The following CRACDL variants were observed in gnomAD, a reference collection of about 807,000 sequenced individuals.
CRACDL encodes CRACD-like protein.
In CRACDL, 26 loss-of-function variants were observed where a neutral mutation model predicts 70.6. The ratio of observed to expected loss-of-function variants is 0.37; its 90% confidence interval spans 0.27 to 0.51. CRACDL has a LOEUF of 0.51. CRACDL is among the 20% of genes least tolerant of loss of function. The pLI is 0.94. For missense variants in CRACDL, 1,283 were observed against 1,376.9 expected (o/e 0.93, Z 1.08); for synonymous variants, 618 against 615.2 (o/e 1.00, Z -0.07).
intron 2 of CRACDL, among the ~76,000 whole-genome samples, chr2:98,838,752 C>T (rs1412337965): frequency 2.0e-5 from 3 of 152,166 alleles, no homozygotes; most frequent in Non-Finnish European, 1.5e-5. Flanking sequence ...GGCCCAACCT[C>T]ATGGGCAAGA....
chr2:98,834,423 A>G (rs191953812), intron 3 of CRACDL, among the ~76,000 whole-genome samples: 43 of 152,344 alleles, frequency 2.8e-4, no homozygotes, highest in African/African-American at 9.6e-4. Context: ...CGCTGCATGC[A>G]GGCATCACCA....
In CRACDL at chr2:98,794,547, G is replaced by C; in HGVS notation, c.2874C>G (p.Pro958=). 1 of 1,613,952 alleles carries C rather than the reference G, an allele frequency of 6.2e-7. No homozygotes were observed. The highest frequency in any genetic ancestry group is 8.5e-7 in the Non-Finnish European group (1 of 1,179,886). The stretch of plus-strand genomic sequence containing the variant: ...CACTGCCCACCTATTTTATAATCTG[G>C]GGCATGTCACTCCAAGCTTGAGATT... The part of the protein sequence containing the change: ...RKKSQAWSDM[P]QIIK Residue 958 remains proline, a synonymous_variant, in exon 10 of 10, where the codon CCC becomes CCG. Transcript: ENST00000397899.
intron 7 of CRACDL, among the ~76,000 whole-genome samples, chr2:98,818,746 G>T (rs1018780749): frequency 1.3e-5 from 2 of 152,232 alleles, no homozygotes; most frequent in Non-Finnish European, 2.9e-5. Flanking sequence ...GGCATCTAGG[G>T]AAAGTGTGGG....
At chr2:98,854,058 T>C (rs889769674) in intron 1 of CRACDL, among the ~76,000 whole-genome samples, 3 of 151,762 alleles carry the variant, frequency 2.0e-5, no homozygotes, top group Non-Finnish European at 2.9e-5. Flanking sequence ...CCGAGGTGGG[T>C]GGATCACGAG....
intron 2 of CRACDL, among the ~76,000 whole-genome samples, chr2:98,845,200 CTTTTTT>C (rs34635348): frequency 3.5e-5 from 2 of 57,632 alleles, no homozygotes; most frequent in Non-Finnish European, 6.8e-5. Flanking sequence ...TCTTCTTCTT[CTTTTTT>C]TTTTTTTTGG....
chr2:98,842,721 T>C (rs576346009), intron 2 of CRACDL, among the ~76,000 whole-genome samples: 1 of 152,322 alleles, frequency 6.6e-6, no homozygotes, highest in African/African-American at 2.4e-5. Context: ...GGCTCACTCA[T>C]GTTATACCAG....
chr2:98,795,073 A>ATTTTTTTTTTTTTTTTT (rs1468056572), intron 9 of CRACDL, among the ~76,000 whole-genome samples: 3 of 20,088 alleles, frequency 1.5e-4, no homozygotes, highest in Admixed American at 8.9e-4. Context: ...ATATATATAT[A>ATTTTTTTTTTTTTTTTT]TATATTTTTT....
At chr2:98,877,928 T>C (rs1420376969) in intron 1 of CRACDL, among the ~76,000 whole-genome samples, 1 of 150,966 alleles carries the variant, frequency 6.6e-6, no homozygotes, top group Non-Finnish European at 1.5e-5. Flanking sequence ...TAAGGAACTA[T>C]AATGTTGTAC....
intron 1 of CRACDL, among the ~76,000 whole-genome samples, chr2:98,850,187 G>C (rs1450182218): frequency 6.6e-6 from 1 of 152,222 alleles, no homozygotes; most frequent in East Asian, 1.9e-4. Flanking sequence ...TGTGCTTCCT[G>C]ATCCCCACCG....
At chr2:98,896,787 T>C (rs182657713) in intron 1 of CRACDL, among the ~76,000 whole-genome samples, 10 of 152,294 alleles carry the variant, frequency 6.6e-5, no homozygotes, top group Admixed American at 2.0e-4. Flanking sequence ...TTTAGCAGCC[T>C]GAAGCCATGG....
At chr2:98,878,611 T>C (rs550839623) in intron 1 of CRACDL, among the ~76,000 whole-genome samples, 5 of 152,314 alleles carry the variant, frequency 3.3e-5, no homozygotes, top group Admixed American at 2.6e-4. Flanking sequence ...GTCTGTAAAA[T>C]TGGCACAAAC....
chr2:98,795,073 A>ATTTTTTTTTTTT lies in CRACDL; in HGVS notation c.2750-403_2750-402insAAAAAAAAAAAA, dbSNP rs1468056572. Among the ~76,000 whole-genome samples the ATTTTTTTTTTTT allele has an allele frequency of 3.0e-3, 61 of 20,078 alleles. 5 individuals carry two copies. The highest frequency in any genetic ancestry group is 4.4e-3 in the Non-Finnish European group (37 of 8,490). The allele number at this position is 20,078 out of a possible 152,430, so 13.2% of individuals were successfully genotyped here. ...TATATATATATATATATATATATAT[A>ATTTTTTTTTTTT]TATATTTTTTTTTTTTTTTGAGACA... On this transcript the variant is annotated intron_variant, in intron 9 of 9. Transcript: ENST00000397899.
chr2:98,858,648 A>G (rs1458380056), intron 1 of CRACDL, among the ~76,000 whole-genome samples: 2 of 152,108 alleles, frequency 1.3e-5, no homozygotes, highest in African/African-American at 4.8e-5. Flanking sequence ...ATTGAGCAAA[A>G]GGTAATAAAA....
At chr2:98,840,527 C>T (rs550408253) in intron 2 of CRACDL, 1 of 152,048 alleles carries the variant, frequency 6.6e-6, no homozygotes, top group South Asian at 2.1e-4. Flanking sequence ...TTGTGTTGTC[C>T]AAGTATTTTA....
At chr2:98,818,365 T>A (rs1443841735) in intron 7 of CRACDL, among the ~76,000 whole-genome samples, 2 of 152,092 alleles carry the variant, frequency 1.3e-5, no homozygotes, top group Non-Finnish European at 2.9e-5. Context: ...TGCTGAAGCG[T>A]CCCTCCATTC....
rs1269043809 is a variant in CRACDL, at chr2:98,794,041, A to G, written c.*491T>C. ...TTTTATAGCTGCTCTTGGAAACGGC[A>G]TCCCTGTTTTGCCATGAATGTCATG... On this transcript the variant is annotated 3_prime_UTR_variant, in exon 10 of 10. Transcript: ENST00000397899. 1 of 152,790 alleles carries G rather than the reference A, an allele frequency of 6.5e-6. No individual in the cohort carries two copies. Among genetic ancestry groups the G allele is most frequent in the African/African-American group, 2.4e-5 (1 of 41,450 alleles). 9.5% of individuals were successfully genotyped at this position (152,790 alleles called of 1,614,324 possible).
At chr2:98,811,651 T>C (rs1208661077) in intron 7 of CRACDL, among the ~76,000 whole-genome samples, 2 of 151,748 alleles carry the variant, frequency 1.3e-5, no homozygotes, top group African/African-American at 4.8e-5. Context: ...ATACAGAATA[T>C]CAACACCCTG....
chr2:98,912,139 A>T (rs537477013), intron 1 of CRACDL, among the ~76,000 whole-genome samples: 44 of 152,366 alleles, frequency 2.9e-4, no homozygotes, highest in African/African-American at 1.1e-3. Flanking sequence ...CCTGGGCAGC[A>T]TACCTGTGCC....
At chr2:98,805,639 A>T (rs1704259668) in intron 7 of CRACDL, among the ~76,000 whole-genome samples, 1 of 152,132 alleles carries the variant, frequency 6.6e-6, no homozygotes, top group Non-Finnish European at 1.5e-5. Context: ...GCGAGTGCAG[A>T]GGATCTGACT....
Sources: allele counts gnomAD v4.1 joint callset (sites outside exome capture counted in the v4.1 genomes callset), GRCh38; gene constraint gnomAD v4.1.1; transcripts MANE v1.5; gene names NCBI Gene and HGNC (gene_info 2026-07-23, HGNC 2026-07-21).